MTRFR: variants seen among roughly 807,000 people sequenced by gnomAD.
MTRFR encodes probable peptide chain release factor C12orf65, mitochondrial.
Under a neutral mutation model 11.9 loss-of-function variants are expected in MTRFR, and 10 were observed. That is an observed-to-expected ratio of 0.84 (90% CI 0.52 to 1.42). The LOEUF is 1.42. Ranked by LOEUF, MTRFR falls within the 40% of genes most tolerant of loss-of-function variation. MTRFR has a pLI of 0.00. For synonymous variants in MTRFR, 77 were observed against 79.1 expected, an observed-to-expected ratio of 0.97 and a Z score of 0.14; for missense variants, 196 against 197.9, an observed-to-expected ratio of 0.99 and a Z score of 0.06.
intron 1 of MTRFR, among the ~76,000 whole-genome samples, chr12:123,243,627 C>T (rs185841318): frequency 6.6e-6 from 1 of 152,032 alleles, no homozygotes; most frequent in Admixed American, 6.6e-5. Flanking sequence ...ATCACTTGAA[C>T]CCAGGAGGCG....
At chr12:123,236,152 A>G (rs1013668545) in intron 1 of MTRFR, among the ~76,000 whole-genome samples, 4 of 152,226 alleles carry the variant, frequency 2.6e-5, no homozygotes, top group African/African-American at 9.6e-5. Flanking sequence ...ATCTGGAGAT[A>G]TGAAAGGTAA....
intron 1 of MTRFR, among the ~76,000 whole-genome samples, chr12:123,236,286 C>A (rs2047849018): frequency 6.6e-6 from 1 of 151,996 alleles, no homozygotes; most frequent in Non-Finnish European, 1.5e-5. Flanking sequence ...GTATTAAATA[C>A]AATAATGTAT....
rs1419923231 is a variant in MTRFR, at chr12:123,253,757, A to G, written c.83A>G (p.Lys28Arg). The G allele has an allele frequency of 1.2e-6, 2 of 1,614,162 alleles. No homozygotes were observed. Among genetic ancestry groups the G allele is most frequent in the Non-Finnish European group, 1.7e-6 (2 of 1,180,036 alleles). ...CCATGGGGACTCCGGCTTTGGGAGA[A>G]GCTGACGTTGTTATCCCCAGGAATA... ...PAPWGLRLWE[K>R]LTLLSPGIAV... Residue 28 changes from lysine (K) to arginine (R), a missense_variant, in exon 2 of 3, where the codon AAG becomes AGG. Lys to Arg is a conservative substitution (Grantham distance 26). Transcript: ENST00000253233.
chr12:123,252,797 C>A (rs893854159), intron 1 of MTRFR, among the ~76,000 whole-genome samples: 2 of 151,944 alleles, frequency 1.3e-5, no homozygotes, highest in Non-Finnish European at 2.9e-5. Context: ...TGGTGGCACA[C>A]GCCTGTAATC....
rs1329063320 is a variant in MTRFR, at chr12:123,256,652, C to T, written c.283-161C>T. Among the ~76,000 whole-genome samples, 2 of 152,240 alleles carry T rather than the reference C, an allele frequency of 1.3e-5. 1 individual carries two copies. The highest frequency in any genetic ancestry group is 4.2e-4 in the South Asian group (2 of 4,812). On this transcript the variant is annotated intron_variant, in intron 2 of 2. Transcript: ENST00000253233. Reference sequence around the variant, plus strand: ...CGGAGGTTGCAGTGAGCCAAGATCACACCATTGCACTCTAGCCTGGATGAC... The same window carrying T: ...CGGAGGTTGCAGTGAGCCAAGATCATACCATTGCACTCTAGCCTGGATGAC...
At chr12:123,245,801 C>G (rs1447321836) in intron 1 of MTRFR, among the ~76,000 whole-genome samples, 1 of 152,134 alleles carries the variant, frequency 6.6e-6, no homozygotes, top group Non-Finnish European at 1.5e-5. Flanking sequence ...TAGGAGCTTT[C>G]TGGAGGAGTC....
intron 1 of MTRFR, among the ~76,000 whole-genome samples, chr12:123,235,925 G>A (rs577696774): frequency 5.9e-5 from 9 of 151,954 alleles, no homozygotes; most frequent in South Asian, 2.1e-4. Flanking sequence ...TTAGCTGGGC[G>A]TGGTGGCTGG....
intron 2 of MTRFR, among the ~76,000 whole-genome samples, chr12:123,256,300 T>C (rs1297061817): frequency 6.6e-6 from 1 of 152,236 alleles, no homozygotes; most frequent in East Asian, 1.9e-4. Flanking sequence ...TGAAGGCCAC[T>C]GTTGCTTCTA....
rs189385174 is a variant in MTRFR at position 123,255,243 on chromosome 12, C to T, written c.282+1287C>T. Reference sequence around the variant, plus strand: ...CACTCAGTAGTCAGTTCACACCATACCCCAAGTCCATGTTCCTAACAGCTG... The same window carrying T: ...CACTCAGTAGTCAGTTCACACCATATCCCAAGTCCATGTTCCTAACAGCTG... On this transcript the variant is annotated intron_variant, in intron 2 of 2. Transcript: ENST00000253233. Among the ~76,000 whole-genome samples, 7 of 152,298 alleles carry T rather than the reference C, an allele frequency of 4.6e-5. No individual in the cohort carries two copies. The East Asian group carries it at 1.4e-3, about 29-fold the overall frequency.
At chr12:123,254,111 T>A in intron 2 of MTRFR, 155 bp downstream of exon 2, 1 of 824,236 alleles carries the variant, frequency 1.2e-6, no homozygotes, top group East Asian at 2.7e-5. Flanking sequence ...GCACCGCAGA[T>A]CTCGTCCCAT....
intron 1 of MTRFR, among the ~76,000 whole-genome samples, chr12:123,235,822 G>A (rs1031727200): frequency 3.3e-5 from 5 of 151,876 alleles, no homozygotes; most frequent in South Asian, 2.1e-4. Flanking sequence ...CCAGCACTTC[G>A]GGAGGCCGAG....
rs560995916 is a variant in MTRFR at position 123,253,574 on chromosome 12, G to A, written c.-28-73G>A. 10 of 1,453,982 alleles carry A rather than the reference G, an allele frequency of 6.9e-6. No homozygotes were observed. The African/African-American group carries it at 1.4e-4, about 20-fold the overall frequency. 90.1% of individuals were successfully genotyped at this position (1,453,982 alleles called of 1,614,324 possible). ...CATTTGAATTGCTTTATAAAAAGCT[G>A]TCTTTGAATCTGAAGCATAATCTTG... On this transcript the variant is annotated intron_variant, in intron 1 of 2. Coordinates refer to ENST00000253233, the MANE Select transcript of MTRFR (RefSeq NM_152269.5).
intron 2 of MTRFR, 87 bp from the exon 3 acceptor site, chr12:123,256,726 C>T (rs1008665477): frequency 7.4e-5 from 76 of 1,033,992 alleles, no homozygotes; most frequent in Non-Finnish European, 6.5e-5. Context: ...AATAAAAAAG[C>T]GAACAGGTTG....
intron 1 of MTRFR, 154 bp from the exon 2 acceptor site, chr12:123,253,493 G>A (rs2048141102): frequency 8.5e-6 from 6 of 708,644 alleles, no homozygotes; most frequent in East Asian, 2.7e-5. Flanking sequence ...GGGGCGTCTT[G>A]CTGAATAATG....
At chr12:123,235,038 G>C (rs4759409) in intron 1 of MTRFR, among the ~76,000 whole-genome samples, 97,205 of 152,146 alleles carry the variant, frequency 0.64, 35,510 homozygotes, top group East Asian at 1. Flanking sequence ...AACAAAGGCC[G>C]ATGAAATAAT....
At chr12:123,235,675 TAGTG>T (rs1354668057) in intron 1 of MTRFR, among the ~76,000 whole-genome samples, 1 of 150,600 alleles carries the variant, frequency 6.6e-6, no homozygotes, top group African/African-American at 2.4e-5. Context: ...CTCGGCCTGG[TAGTG>T]AGTTATCTTA....
At chr12:123,234,465 G>C (rs920623246) in intron 1 of MTRFR, among the ~76,000 whole-genome samples, 1 of 152,112 alleles carries the variant, frequency 6.6e-6, no homozygotes, top group Admixed American at 6.5e-5. Flanking sequence ...GCGCGATCTC[G>C]GCTCACTTTA....
chr12:123,234,095 C>T (rs1205964661), intron 1 of MTRFR, among the ~76,000 whole-genome samples: 1 of 152,174 alleles, frequency 6.6e-6, no homozygotes, highest in Non-Finnish European at 1.5e-5. Flanking sequence ...AGCCACCCAG[C>T]CCTACTTTTG....
At position 123,257,067 on chromosome 12, in the gene MTRFR, C is replaced by G. The variant is rs1032867039; in HGVS notation, c.*36C>G. 6.7e-7 allele frequency: 1 copy of G among 1,496,878 alleles called. No homozygotes were observed. The highest frequency in any genetic ancestry group is 9.3e-7 in the Non-Finnish European group (1 of 1,077,320). 92.7% of individuals were successfully genotyped at this position (1,496,878 alleles called of 1,614,324 possible). On this transcript the variant is annotated 3_prime_UTR_variant, in exon 3 of 3. Coordinates refer to ENST00000253233, the MANE Select transcript of MTRFR (RefSeq NM_152269.5). The stretch of plus-strand genomic sequence containing the variant: ...AGAGATTCCAACTGACAGAATCTGC[C>G]AGAAGCTCCCAGGGAATAATGGTGG...
Sources: gnomAD v4.1 joint callset for allele counts (sites outside exome capture counted in the v4.1 genomes callset) on GRCh38, gnomAD v4.1.1 for gene constraint, MANE v1.5 for transcripts, NCBI Gene and HGNC (gene_info 2026-07-23, HGNC 2026-07-21) for gene names.